The following TMEM131 variants were observed in gnomAD, a reference collection of about 807,000 sequenced individuals.
TMEM131 encodes the protein transmembrane protein 131.
A neutral mutation model predicts 211.6 loss-of-function variants in TMEM131; 66 were observed. The observed-to-expected ratio is 0.31, with a 90% confidence interval of 0.26 to 0.38. TMEM131 has a LOEUF of 0.38. Ranked by LOEUF, TMEM131 falls within the 10% of genes least tolerant of loss-of-function variation. The pLI is 1.00. For synonymous variants in TMEM131, 844 were observed against 841.3 expected, an observed-to-expected ratio of 1.00 and a Z score of -0.06; for missense variants, 2,036 against 2,299.3, an observed-to-expected ratio of 0.89 and a Z score of 2.34.
At chr2:97,886,898 ACT>A (rs567976060) in intron 4 of TMEM131, among the ~76,000 whole-genome samples, 10 of 150,824 alleles carry the variant, frequency 6.6e-5, no homozygotes, top group Non-Finnish European at 1.5e-4. Flanking sequence ...AGATGAAAAA[ACT>A]CTTTTTGGAG....
intron 3 of TMEM131, among the ~76,000 whole-genome samples, chr2:97,908,230 G>A (rs1433850328): frequency 2.0e-5 from 3 of 152,146 alleles, no homozygotes; most frequent in Non-Finnish European, 2.9e-5. Flanking sequence ...CAGGGAAGCT[G>A]TATTTAAAAG....
chr2:97,859,842 T>C (rs1485117058), intron 4 of TMEM131, among the ~76,000 whole-genome samples: 1 of 152,188 alleles, frequency 6.6e-6, no homozygotes, highest in East Asian at 1.9e-4. Flanking sequence ...TGTGAGGAAA[T>C]CTTGTGAGTT....
At chr2:97,856,445 C>A (rs1462640663) in intron 5 of TMEM131, among the ~76,000 whole-genome samples, 1 of 151,876 alleles carries the variant, frequency 6.6e-6, no homozygotes, top group Non-Finnish European at 1.5e-5. Context: ...CTTGCATGTG[C>A]GTGTTAAAAT....
rs182598373 is a variant in TMEM131 at position 97,831,849 on chromosome 2, T to C, written c.1074+1516A>G. 2.9e-3 allele frequency among the ~76,000 whole-genome samples: 434 copies of C among 151,482 alleles called. 10 individuals are homozygous for C. The highest frequency in any genetic ancestry group is 0.026 in the Admixed American group (390 of 15,232). ...GCCCAGCTAATTTTTGTATTTTTGG[T>C]AGAGACAGGGTTTCGCCATGTTGGC... On this transcript the variant is annotated intron_variant, in intron 11 of 40. Transcript: ENST00000186436.
chr2:97,896,340 GA>G (rs1675610130), intron 3 of TMEM131, among the ~76,000 whole-genome samples: 1 of 152,194 alleles, frequency 6.6e-6, no homozygotes, highest in African/African-American at 2.4e-5. Context: ...ATATTCTGTT[GA>G]TTAGGGGTGG....
At chr2:97,788,344 C>CTT (rs1680346844) in intron 31 of TMEM131, among the ~76,000 whole-genome samples, 1 of 152,188 alleles carries the variant, frequency 6.6e-6, no homozygotes, top group African/African-American at 2.4e-5. Flanking sequence ...AACGTGGAAT[C>CTT]TGACTATTCC....
At chr2:97,843,336 T>C (rs1683286982) in intron 6 of TMEM131, among the ~76,000 whole-genome samples, 1 of 152,174 alleles carries the variant, frequency 6.6e-6, no homozygotes, top group South Asian at 2.1e-4. Flanking sequence ...GTTAAGAATC[T>C]TTGTTTTTCT....
chr2:97,898,644 C>A (rs534245967), intron 3 of TMEM131, among the ~76,000 whole-genome samples: 190 of 152,266 alleles, frequency 1.2e-3, no homozygotes, highest in African/African-American at 4.4e-3. Context: ...TTTCAGACTT[C>A]CAGATTCCAA....
At chr2:97,928,330 T>C (rs531598921) in intron 1 of TMEM131, among the ~76,000 whole-genome samples, 1 of 149,008 alleles carries the variant, frequency 6.7e-6, no homozygotes, top group South Asian at 2.1e-4. Context: ...CAGGGGGAGA[T>C]GGGAAAGGTT....
chr2:97,809,879 T>G, intron 18 of TMEM131, 105 bp from the exon 19 acceptor site: 1 of 790,232 alleles, frequency 1.3e-6, no homozygotes. Context: ...GGACTAATAT[T>G]GACAATAACC....
chr2:97,995,229 G>T (rs1418096012), intron 1 of TMEM131, among the ~76,000 whole-genome samples: 1 of 152,250 alleles, frequency 6.6e-6, no homozygotes, highest in African/African-American at 2.4e-5. Context: ...TGGCAAGAAC[G>T]TACGAGAAGT....
chr2:97,827,068 C>CAAAAAAAAAAAAAAA (rs66841026), intron 11 of TMEM131, among the ~76,000 whole-genome samples: 1 of 93,684 alleles, frequency 1.1e-5, no homozygotes, highest in Admixed American at 1.0e-4. Context: ...AAGTGATAAG[C>CAAAAAAAAAAAAAAA]AAAAAAAAAA....
chr2:97,847,528 T>C (rs528383267), intron 5 of TMEM131, among the ~76,000 whole-genome samples: 34 of 152,264 alleles, frequency 2.2e-4, no homozygotes, highest in African/African-American at 8.2e-4. Context: ...TGAAAGTAAC[T>C]GAAGAAGACA....
chr2:97,805,804 C>T, intron 19 of TMEM131, 101 bp from the exon 20 acceptor site: 1 of 1,039,508 alleles, frequency 9.6e-7, no homozygotes, highest in South Asian at 2.2e-5. Flanking sequence ...GAAACCAAAG[C>T]CCAAAAGACA....
intron 4 of TMEM131, among the ~76,000 whole-genome samples, chr2:97,879,579 G>C (rs1316442485): frequency 6.6e-6 from 1 of 152,136 alleles, no homozygotes; most frequent in Non-Finnish European, 1.5e-5. Flanking sequence ...ATATGGGTTT[G>C]AACTATGAGG....
intron 1 of TMEM131, among the ~76,000 whole-genome samples, chr2:97,985,195 A>G (rs1679970489): frequency 6.6e-6 from 1 of 152,176 alleles, no homozygotes; most frequent in African/African-American, 2.4e-5. Flanking sequence ...AAACAGAAAA[A>G]CATAAGGATG....
chr2:97,946,745 G>A (rs1442568714), intron 1 of TMEM131, among the ~76,000 whole-genome samples: 1 of 151,780 alleles, frequency 6.6e-6, no homozygotes, highest in Non-Finnish European at 1.5e-5. Context: ...GCATCACTCT[G>A]ATCCCCAAAA....
At chr2:97,984,192 A>T (rs181315144) in intron 1 of TMEM131, among the ~76,000 whole-genome samples, 73 of 152,308 alleles carry the variant, frequency 4.8e-4, no homozygotes, top group African/African-American at 1.5e-3. Context: ...TAATTATACC[A>T]ATTACATAAT....
intron 17 of TMEM131, among the ~76,000 whole-genome samples, chr2:97,811,556 C>T (rs1681549147): frequency 6.6e-6 from 1 of 152,172 alleles, no homozygotes; most frequent in Non-Finnish European, 1.5e-5. Flanking sequence ...CACAGCCTTC[C>T]ACCAACCTTT....
Sources: allele counts gnomAD v4.1 joint callset (sites outside exome capture counted in the v4.1 genomes callset), GRCh38; gene constraint gnomAD v4.1.1; transcripts MANE v1.5; gene names NCBI Gene and HGNC (gene_info 2026-07-23, HGNC 2026-07-21).